ITFG2: variants seen among roughly 807,000 people sequenced by gnomAD.
ITFG2 encodes KICSTOR complex protein ITFG2.
ITFG2 carries 36 observed loss-of-function variants against 54.4 expected under a neutral mutation model. The observed-to-expected ratio is 0.66, with a 90% CI of 0.51 to 0.87. The LOEUF (loss-of-function observed/expected upper bound fraction) is 0.87, where lower values mean the gene tolerates loss of function less well. Ranked by LOEUF, ITFG2 falls within the 40% of genes least tolerant of loss-of-function variation. ITFG2 has a pLI of 0.00. For missense variants in ITFG2, 524 were observed against 576.7 expected (o/e 0.91, Z 0.94); for synonymous variants, 211 against 225.4 (o/e 0.94, Z 0.57).
In ITFG2 at chr12:2,822,703, C is replaced by T. The variant is rs1195974595; in HGVS notation, c.949-91C>T. On this transcript the variant is annotated intron_variant, in intron 9 of 11. Transcript: ENST00000228799. ...TGACAGTTGCGTTTACTGCCGAACCCACGGGTGAAATTCCTCCCCAGCTCG... is the reference window on the plus strand; with the variant it reads ...TGACAGTTGCGTTTACTGCCGAACCTACGGGTGAAATTCCTCCCCAGCTCG... 6 of 1,102,624 alleles carry T rather than the reference C, an allele frequency of 5.4e-6. No homozygotes were observed. In the East Asian group the frequency reaches 1.2e-4, roughly 22 times the overall value. The allele number at this position is 1,102,624 out of a possible 1,614,324, so 68.3% of individuals were successfully genotyped here. A position where few individuals can be genotyped will look rare whatever the true frequency, so the allele number is the denominator to read the frequency against.
chr12:2,857,761 G>C (rs927684375), intron 2 of ITFG2: 3 of 152,428 alleles, frequency 2.0e-5, no homozygotes, highest in African/African-American at 7.2e-5. Flanking sequence ...GCCTAGGGTG[G>C]CTCTTTGCAA....
chr12:2,822,705 C>T (rs2097949546), intron 9 of ITFG2, 89 bp from the exon 10 acceptor site: 11 of 1,112,438 alleles, frequency 9.9e-6, no homozygotes, highest in East Asian at 7.1e-5. Flanking sequence ...GCCGAACCCA[C>T]GGGTGAAATT....
chr12:2,819,093 C>G (rs1411640407), intron 4 of ITFG2, among the ~76,000 whole-genome samples: 2 of 151,876 alleles, frequency 1.3e-5, no homozygotes, highest in African/African-American at 4.8e-5. Context: ...CTTTGAGAGG[C>G]TAAGGCAGGC....
chr12:2,819,559 A>G (rs2097935144), intron 4 of ITFG2: 1 of 152,188 alleles, frequency 6.6e-6, no homozygotes, highest in African/African-American at 2.4e-5. Context: ...TGAGCCCGGA[A>G]GGTGGAGGTT....
intron 3 of ITFG2, chr12:2,858,542 C>T: frequency 9.3e-7 from 1 of 1,078,894 alleles, no homozygotes; most frequent in Admixed American, 2.4e-5. Context: ...GCAGAACAGT[C>T]CCTGCCTGCT....
intron 2 of ITFG2, among the ~76,000 whole-genome samples, chr12:2,854,675 G>A (rs1225516395): frequency 6.6e-6 from 1 of 152,196 alleles, no homozygotes; most frequent in Non-Finnish European, 1.5e-5. Context: ...GGTGTCACCT[G>A]CATAGCTGTC....
At chr12:2,844,526 C>T (rs1195548203) in intron 2 of ITFG2, among the ~76,000 whole-genome samples, 3 of 151,954 alleles carry the variant, frequency 2.0e-5, no homozygotes, top group Admixed American at 2.0e-4. Flanking sequence ...TGCACTCCAG[C>T]CTGGACAGCA....
downstream of ITFG2, among the ~76,000 whole-genome samples, chr12:2,829,843 C>T (rs149926250): frequency 2.3e-3 from 285 of 122,746 alleles, no homozygotes; most frequent in Middle Eastern, 9.8e-3. Context: ...TTTGGGAGGC[C>T]GAGGTGGATG....
At chr12:2,853,433 C>A (rs1304531164) in intron 2 of ITFG2, among the ~76,000 whole-genome samples, 1 of 152,072 alleles carries the variant, frequency 6.6e-6, no homozygotes, top group African/African-American at 2.4e-5. Context: ...CCACCACGCC[C>A]AGCTAATTTT....
At chr12:2,838,064 TTTCTAGCTCCC>T (rs1415491905) in intron 1 of ITFG2, among the ~76,000 whole-genome samples, 2 of 152,162 alleles carry the variant, frequency 1.3e-5, no homozygotes, top group African/African-American at 4.8e-5. Flanking sequence ...TTAGTGGAAC[TTTCTAGCTCCC>T]TCCCATGTCT....
intron 2 of ITFG2, among the ~76,000 whole-genome samples, chr12:2,851,432 T>G (rs1031525562): frequency 6.6e-6 from 1 of 152,092 alleles, no homozygotes; most frequent in African/African-American, 2.4e-5. Flanking sequence ...AACCTCCACC[T>G]CCTGCATTCA....
At chr12:2,849,066 G>A (rs2098061613) in intron 2 of ITFG2, 1 of 663,452 alleles carries the variant, frequency 1.5e-6, no homozygotes, top group Non-Finnish European at 2.5e-6. Flanking sequence ...ATCTCCAATA[G>A]CCTGGGGTAC....
At chr12:2,821,821 A>C in intron 9 of ITFG2, 29 bp downstream of exon 9, 1 of 1,538,998 alleles carries the variant, frequency 6.5e-7, no homozygotes, top group Non-Finnish European at 9.0e-7. Context: ...AGAGCAGAGC[A>C]TTCCTGCGTT....
chr12:2,839,925 T>G (rs937682428), intron 1 of ITFG2, among the ~76,000 whole-genome samples: 1 of 152,068 alleles, frequency 6.6e-6, no homozygotes, highest in Admixed American at 6.6e-5. Flanking sequence ...GACACGAAGA[T>G]GGGAACAACA....
rs529020210 is a variant in ITFG2 at position 2,838,395 on chromosome 12, C to G, written n.146+1439C>G. Among the ~76,000 whole-genome samples, 46 of 152,266 alleles carry G rather than the reference C, an allele frequency of 3.0e-4. 1 individual carries two copies. Among genetic ancestry groups the G allele is most frequent in the African/African-American group, 9.9e-4 (41 of 41,532 alleles). On this transcript the variant is annotated intron_variant and non_coding_transcript_variant, in intron 1 of 3. Coordinates refer to the ITFG2 transcript ENST00000537710. ...ACTCACAAGGATGAGATGGCTGGCT[C>G]TAGGGAGCCAGCCTGCCAACATGGA...
chr12:2,816,606 G>A (rs1250160762), intron 1 of ITFG2, among the ~76,000 whole-genome samples: 2 of 151,228 alleles, frequency 1.3e-5, no homozygotes, highest in Non-Finnish European at 2.9e-5. Context: ...TGGGATTACA[G>A]GCATGAGCCA....
chr12:2,817,174 A>C (rs751262094), intron 1 of ITFG2, 49 bp from the exon 2 acceptor site: 2 of 1,214,736 alleles, frequency 1.6e-6, no homozygotes, highest in Non-Finnish European at 2.4e-6. Flanking sequence ...GAGCTTGAAG[A>C]GGTTCAGCAG....
chr12:2,827,736 T>C (rs775556142), downstream of ITFG2: 1 of 1,612,256 alleles, frequency 6.2e-7, no homozygotes, highest in Non-Finnish European at 8.5e-7. The surrounding 1 kb of genome is among the most constrained non-coding windows in gnomAD (Gnocchi z 4.0). Flanking sequence ...ACTGCTGCCC[T>C]CCTCTTAGCC....
upstream of ITFG2, among the ~76,000 whole-genome samples, chr12:2,833,010 C>T (rs968638043): frequency 6.6e-6 from 1 of 151,894 alleles, no homozygotes; most frequent in Non-Finnish European, 1.5e-5. Flanking sequence ...AGGCTTCAGG[C>T]CCCTCCCGCT....
Sources: gnomAD v4.1 joint callset for allele counts (sites outside exome capture counted in the v4.1 genomes callset) on GRCh38, gnomAD v4.1.1 for gene constraint, Gnocchi (gnomAD v3.1) non-coding constraint, MANE v1.5 for transcripts, NCBI Gene and HGNC (gene_info 2026-07-23, HGNC 2026-07-21) for gene names.